SAA2: variants seen among roughly 807,000 people sequenced by gnomAD.
SAA2 encodes the protein serum amyloid A2.
Under a neutral mutation model 9.1 loss-of-function variants are expected in SAA2, and 5 were observed. The observed-to-expected ratio is 0.55, with a 90% confidence interval of 0.29 to 1.16. SAA2 has a LOEUF of 1.16. SAA2 is among the 50% of genes most tolerant of loss of function. The pLI, the probability that SAA2 is intolerant of heterozygous loss-of-function variation, is 0.09. For missense variants in SAA2, 94 were observed against 153.8 expected, an observed-to-expected ratio of 0.61 and a Z score of 2.06; for synonymous variants, 49 against 59.8, an observed-to-expected ratio of 0.82 and a Z score of 0.83.
At chr11:18,245,140 A>C (rs1857463049), downstream of SAA2, 6 of 836,836 alleles carry the variant, frequency 7.2e-6, no homozygotes, top group South Asian at 1.2e-4. Flanking sequence ...CCAAACACAT[A>C]GGCCTACCTA....
Position 18,245,322 on chromosome 11 carries a change from C to A in SAA2, c.*55G>T. The A allele has an allele frequency of 1.2e-6, 2 of 1,608,290 alleles. No homozygotes were observed. Among genetic ancestry groups the A allele is most frequent in the Non-Finnish European group, 1.7e-6 (2 of 1,176,806 alleles). ...GACATAGACCTCACTAACTTTGTATCCCTGCCCCGAGGGCCTCATAGCCAG... is the reference window on the plus strand; with the variant it reads ...GACATAGACCTCACTAACTTTGTATACCTGCCCCGAGGGCCTCATAGCCAG... On this transcript the variant is annotated 3_prime_UTR_variant, in exon 4 of 4. Transcript: ENST00000256733.
At chr11:18,239,982 G>A in intron 3 of SAA2, 1 of 1,550,688 alleles carries the variant, frequency 6.4e-7, no homozygotes, top group South Asian at 1.2e-5. Flanking sequence ...GACAAAGGCA[G>A]ATTAATAGGA....
chr11:18,239,291 T>C (rs1447894102), exon 4 of SAA2: 1 of 157,072 alleles, frequency 6.4e-6, no homozygotes, highest in African/African-American at 2.4e-5. Flanking sequence ...ATCAGGTTTT[T>C]TCTATATATA....
Position 18,246,030 on chromosome 11 carries a change from C to T in SAA2, c.110G>A (p.Arg37Lys), listed in dbSNP as rs1857518646. The T allele has an allele frequency of 1.9e-6, 3 of 1,613,524 alleles. No homozygotes were observed. In the South Asian group the frequency reaches 3.3e-5, roughly 18 times the overall value. ...GGCTTCTCTCATGTCAGAGTAGGCTCTCCACATGTCCCGAGCCCCTGGAAA... is the reference window on the plus strand; with the variant it reads ...GGCTTCTCTCATGTCAGAGTAGGCTTTCCACATGTCCCGAGCCCCTGGAAA... Reference protein sequence around the residue: ...EAFDGARDMWRAYSDMREANY... With the variant: ...EAFDGARDMWKAYSDMREANY... The change falls in exon 3 of 4, where the codon AGA becomes AAA. Residue 37 changes from arginine (R) to lysine (K), a missense_variant. Transcript: ENST00000256733.
downstream of SAA2, among the ~76,000 whole-genome samples, chr11:18,238,981 TG>T (rs1031395063): frequency 6.6e-6 from 1 of 152,192 alleles, no homozygotes; most frequent in Non-Finnish European, 1.5e-5. Flanking sequence ...CCATCCTTGT[TG>T]TTGCAGCTTT....
In SAA2 at chr11:18,248,005, G is replaced by T; in HGVS notation, c.7C>A (p.Leu3Ile). Residue 3 changes from leucine (L) to isoleucine (I), a missense_variant, in exon 2 of 4, where the codon CTT becomes ATT. Around this residue, in one of 2 missense-constraint regions of SAA2, gnomAD observed 32 missense variants for 95.5 expected, o/e 0.34. Coordinates refer to ENST00000256733, the MANE Select transcript of SAA2 (RefSeq NM_030754.5). The stretch of plus-strand genomic sequence containing the variant: ...GAGCAGAAAACCAGGCCCGTGAGAA[G>T]CTTCATGGTGCTGAAATGAAAGGAG... MKLLTGLVFCSLV... is the reference protein window; with the variant it reads MKILTGLVFCSLV... The T allele has an allele frequency of 6.2e-7, 1 of 1,613,140 alleles. No individual in the cohort carries two copies. Among genetic ancestry groups the T allele is most frequent in the Non-Finnish European group, 8.5e-7 (1 of 1,179,656 alleles).
chr11:18,247,184 G>C (rs1356215903), intron 2 of SAA2, among the ~76,000 whole-genome samples: 2 of 152,256 alleles, frequency 1.3e-5, no homozygotes, highest in Admixed American at 1.3e-4. Context: ...TGTGGTCCTT[G>C]TGGGGGCTTG....
intron 3 of SAA2, 26 bp from the exon 4 acceptor site, chr11:18,245,541 G>T (rs756010315): frequency 1.2e-6 from 2 of 1,613,142 alleles, no homozygotes; most frequent in African/African-American, 2.7e-5. Context: ...GCAAGAAGGA[G>T]ATTAATCATC....
At chr11:18,242,772 G>A (rs115804151), downstream of SAA2, 581 of 700,742 alleles carry the variant, frequency 8.3e-4, 1 homozygote, top group African/African-American at 7.3e-3. Context: ...CTTGAGCCCC[G>A]GGAGGTCGAG....
At chr11:18,242,117 C>T (rs1857363444), downstream of SAA2, 1 of 152,072 alleles carries the variant, frequency 6.6e-6, no homozygotes, top group South Asian at 2.1e-4. Flanking sequence ...TTGAGAGACA[C>T]AGGACAAATA....
chr11:18,247,891 A>C (rs1371692042), intron 2 of SAA2, 30 bp downstream of exon 2: 35 of 1,613,828 alleles, frequency 2.2e-5, no homozygotes, highest in Non-Finnish European at 2.9e-5. Context: ...GTTTCTCTTC[A>C]GAAATCCTGC....
chr11:18,245,700 G>A (rs1345334172), intron 3 of SAA2, among the ~76,000 whole-genome samples, 185 bp from the exon 4 acceptor site: 1 of 152,206 alleles, frequency 6.6e-6, no homozygotes, highest in Non-Finnish European at 1.5e-5. Flanking sequence ...CCCCTAGGCT[G>A]GATGAACAGC....
At chr11:18,243,889 A>C (rs1425834576), downstream of SAA2, among the ~76,000 whole-genome samples, 1 of 152,054 alleles carries the variant, frequency 6.6e-6, no homozygotes, top group East Asian at 1.9e-4. Context: ...CTGGAGCTGG[A>C]CCCTGTGAAC....
Position 18,245,248 on chromosome 11 carries a change from C to G in SAA2, c.*129G>C. Reference sequence around the variant, plus strand: ...CACACTGTTTCAACAAATTCCACCTCTTAAGCATTTATTAGATGCCTATTA... The same window carrying G: ...CACACTGTTTCAACAAATTCCACCTGTTAAGCATTTATTAGATGCCTATTA... On this transcript the variant is annotated 3_prime_UTR_variant, in exon 4 of 4. Coordinates refer to ENST00000256733, the MANE Select transcript of SAA2 (RefSeq NM_030754.5). 6.7e-7 allele frequency: 1 copy of G among 1,492,994 alleles called. No individual in the cohort carries two copies. Among genetic ancestry groups the G allele is most frequent in the Non-Finnish European group, 8.9e-7 (1 of 1,120,248 alleles). 92.5% of individuals were successfully genotyped at this position (1,492,994 alleles called of 1,614,324 possible).
intron 3 of SAA2, chr11:18,240,086 C>G: frequency 2.9e-6 from 4 of 1,380,324 alleles, no homozygotes; most frequent in Non-Finnish European, 4.0e-6. Context: ...TGATTATATA[C>G]TATTCTTCAT....
Position 18,245,305 on chromosome 11 carries a change from C to A in SAA2, c.*72G>T. On this transcript the variant is annotated 3_prime_UTR_variant, in exon 4 of 4. Coordinates refer to ENST00000256733, the MANE Select transcript of SAA2 (RefSeq NM_030754.5). ...ATATCTCAGCTTCTCTGGACATAGA[C>A]CTCACTAACTTTGTATCCCTGCCCC... 1 of 1,598,800 alleles carries A rather than the reference C, an allele frequency of 6.3e-7. No homozygotes were observed.
chr11:18,248,280 T>C, intron 1 of SAA2: 1 of 378,700 alleles, frequency 2.6e-6, no homozygotes, highest in South Asian at 2.7e-5. Flanking sequence ...TGTCACTCCC[T>C]CAAGTAGCCT....
In SAA2 at chr11:18,245,656, G is replaced by A. The variant is rs1857491128; in HGVS notation, c.231-141C>T. 6 of 1,384,642 alleles carry A rather than the reference G, an allele frequency of 4.3e-6. No homozygotes were observed. The Admixed American group carries it at 1.2e-4, about 27-fold the overall frequency. The allele number at this position is 1,384,642 out of a possible 1,614,324, so 85.8% of individuals were successfully genotyped here. A position where few individuals can be genotyped will look rare whatever the true frequency, so the allele number is the denominator to read the frequency against. Reference sequence around the variant, plus strand: ...AAGGAGGAGTGAAAACACTGACCCTGCCTGGGCACTGCCCCATTCAGACAG... The same window carrying A: ...AAGGAGGAGTGAAAACACTGACCCTACCTGGGCACTGCCCCATTCAGACAG... On this transcript the variant is annotated intron_variant, in intron 3 of 3. Coordinates refer to ENST00000256733, the MANE Select transcript of SAA2 (RefSeq NM_030754.5).
chr11:18,240,402 G>A (rs1040753515), downstream of SAA2: 1 of 666,710 alleles, frequency 1.5e-6, no homozygotes, highest in Non-Finnish European at 2.7e-6. Context: ...AGCATCTGCT[G>A]CCTTTCAAAG....
Sources: allele counts gnomAD v4.1 joint callset (sites outside exome capture counted in the v4.1 genomes callset), GRCh38; gene constraint gnomAD v4.1.1; regional missense constraint gnomAD v4.1.1; transcripts MANE v1.5; gene names NCBI Gene and HGNC (gene_info 2026-07-23, HGNC 2026-07-21).